ZRANB3: variants seen among roughly 807,000 people sequenced by gnomAD.
ZRANB3 encodes the protein DNA annealing helicase and endonuclease ZRANB3.
A neutral mutation model predicts 133.8 loss-of-function variants in ZRANB3; 125 were observed. That is an observed-to-expected ratio of 0.93 (90% confidence interval 0.81 to 1.08). The LOEUF (loss-of-function observed/expected upper bound fraction) is 1.08, where lower values mean the gene tolerates loss of function less well. Ranked by LOEUF, ZRANB3 falls within the 50% of genes least tolerant of loss-of-function variation. The probability of loss-of-function intolerance (pLI) is 0.00; values close to 1 mark genes in which losing one functional copy is unlikely to be tolerated. For synonymous variants in ZRANB3, 387 were observed against 432.7 expected (o/e 0.89, Z 1.31); for missense variants, 1,229 against 1,275.5 (o/e 0.96, Z 0.56).
intron 2 of ZRANB3, among the ~76,000 whole-genome samples, chr2:135,502,313 C>T (rs1692985714): frequency 6.6e-6 from 1 of 152,102 alleles, no homozygotes. Context: ...ATGAATTTTG[C>T]TTTATGAACA....
chr2:135,486,964 A>G (rs1203645408), intron 2 of ZRANB3, among the ~76,000 whole-genome samples: 1 of 152,212 alleles, frequency 6.6e-6, no homozygotes, highest in East Asian at 1.9e-4. Flanking sequence ...GAAGGTTTAA[A>G]ATTTAGTCTG....
intron 19 of ZRANB3, among the ~76,000 whole-genome samples, chr2:135,203,349 G>C (rs1693703489): frequency 6.6e-6 from 1 of 152,156 alleles, no homozygotes. Context: ...GCCAGGCACA[G>C]TGGCTCATGC....
chr2:135,411,755 G>C (rs1019727170), intron 2 of ZRANB3, among the ~76,000 whole-genome samples: 12 of 152,034 alleles, frequency 7.9e-5, no homozygotes, highest in Non-Finnish European at 1.2e-4. Flanking sequence ...ATGGCCACTG[G>C]GGACTCCAAA....
intron 2 of ZRANB3, among the ~76,000 whole-genome samples, chr2:135,409,284 C>A (rs1688196001): frequency 6.6e-6 from 1 of 152,130 alleles, no homozygotes; most frequent in Non-Finnish European, 1.5e-5. Context: ...AAACATCTCC[C>A]ACCAGGCCTT....
chr2:135,252,014 A>C (rs1679424978), intron 12 of ZRANB3, among the ~76,000 whole-genome samples: 1 of 152,238 alleles, frequency 6.6e-6, no homozygotes, highest in Non-Finnish European at 1.5e-5. Context: ...CAGCCTGGCG[A>C]CAGAGCAGGA....
intron 8 of ZRANB3, among the ~76,000 whole-genome samples, chr2:135,303,814 A>G (rs1682556823): frequency 6.6e-6 from 1 of 152,160 alleles, no homozygotes; most frequent in Admixed American, 6.5e-5. Context: ...AATTTGCTTT[A>G]CTTATTCTAA....
intron 15 of ZRANB3, among the ~76,000 whole-genome samples, chr2:135,223,935 G>A (rs1392542818): frequency 1.3e-5 from 2 of 152,122 alleles, no homozygotes; most frequent in African/African-American, 4.8e-5. Flanking sequence ...GTTCATATAG[G>A]CCAGGCACTG....
At chr2:135,465,919 A>G (rs1181147917) in intron 2 of ZRANB3, among the ~76,000 whole-genome samples, 1 of 152,242 alleles carries the variant, frequency 6.6e-6, no homozygotes, top group Non-Finnish European at 1.5e-5. Context: ...CATGAAAAAA[A>G]GCTCATCATA....
chr2:135,356,567 C>T (rs367791544), intron 3 of ZRANB3, among the ~76,000 whole-genome samples: 9 of 152,118 alleles, frequency 5.9e-5, no homozygotes, highest in Admixed American at 5.2e-4. Context: ...ATATTTTTGT[C>T]TTCTAGTTCT....
intron 2 of ZRANB3, among the ~76,000 whole-genome samples, chr2:135,412,061 T>A (rs1402002021): frequency 1.3e-5 from 2 of 152,318 alleles, no homozygotes; most frequent in East Asian, 3.9e-4. Flanking sequence ...CTCAAAGGTA[T>A]GTTTTGTGAA....
At chr2:135,433,295 G>A (rs1689395748) in intron 2 of ZRANB3, among the ~76,000 whole-genome samples, 1 of 152,094 alleles carries the variant, frequency 6.6e-6, no homozygotes, top group African/African-American at 2.4e-5. Flanking sequence ...GCTGTGGCAG[G>A]TGGATTGCTT....
chr2:135,517,585 TG>T, intron 1 of ZRANB3, among the ~76,000 whole-genome samples: 1 of 152,326 alleles, frequency 6.6e-6, no homozygotes, highest in East Asian at 1.9e-4. Context: ...TCTGTTTGCC[TG>T]GGTATCACCA....
intron 12 of ZRANB3, among the ~76,000 whole-genome samples, chr2:135,243,509 AT>A (rs1695645478): frequency 6.6e-6 from 1 of 152,254 alleles, no homozygotes; most frequent in Non-Finnish European, 1.5e-5. Flanking sequence ...TCTAAAAAAA[AT>A]AATAATTTAA....
At chr2:135,445,369 G>C (rs1031720672) in intron 2 of ZRANB3, among the ~76,000 whole-genome samples, 4 of 151,370 alleles carry the variant, frequency 2.6e-5, no homozygotes, top group African/African-American at 9.7e-5. Flanking sequence ...GCTTGAACTC[G>C]GGAGGTGGAG....
chr2:135,272,414 CTTT>C (rs112209442), intron 9 of ZRANB3, among the ~76,000 whole-genome samples: 9 of 107,734 alleles, frequency 8.4e-5, no homozygotes, highest in South Asian at 7.2e-4. Flanking sequence ...GAAAATAGAG[CTTT>C]TTTTTTTTTT....
chr2:135,490,494 A>T (rs1692323249), intron 2 of ZRANB3, among the ~76,000 whole-genome samples: 1 of 152,154 alleles, frequency 6.6e-6, no homozygotes, highest in Non-Finnish European at 1.5e-5. Context: ...ATCAAAAAAA[A>T]TGGGAATAAG....
chr2:135,309,182 C>T lies in ZRANB3; in HGVS notation c.966+4307G>A, dbSNP rs183756794. 8.6e-5 allele frequency among the ~76,000 whole-genome samples: 13 copies of T among 151,870 alleles called. No individual in the cohort carries two copies. The East Asian group carries it at 1.6e-3, about 18-fold the overall frequency. On this transcript the variant is annotated intron_variant, in intron 8 of 20. Coordinates refer to ENST00000264159, the MANE Select transcript of ZRANB3 (RefSeq NM_032143.4). ...TTTTTTAGTAGAGACGGGGTTTCAC[C>T]GTGTTAGCCAGGATGGTCTTGATCT...
intron 12 of ZRANB3, among the ~76,000 whole-genome samples, chr2:135,260,381 A>G (rs1679898079): frequency 6.6e-6 from 1 of 152,154 alleles, no homozygotes; most frequent in Non-Finnish European, 1.5e-5. Flanking sequence ...GTGCAAAAGT[A>G]TCTTTCCTTG....
chr2:135,302,751 C>G lies in ZRANB3; in HGVS notation c.966+10738G>C, dbSNP rs928063562. ...ATGCTGGCCAGGCTGGTCTCGAACT[C>G]CTGACCTCGTGATCTGCCCACCTTG... On this transcript the variant is annotated intron_variant, in intron 8 of 20. Coordinates refer to ENST00000264159, the MANE Select transcript of ZRANB3 (RefSeq NM_032143.4). Among the ~76,000 whole-genome samples the G allele has an allele frequency of 3.3e-5, 5 of 152,132 alleles. No individual in the cohort carries two copies. In the East Asian group the frequency reaches 9.6e-4, roughly 29 times the overall value.
Sources: gnomAD v4.1 joint callset for allele counts (sites outside exome capture counted in the v4.1 genomes callset) on GRCh38, gnomAD v4.1.1 for gene constraint, MANE v1.5 for transcripts, NCBI Gene and HGNC (gene_info 2026-07-23, HGNC 2026-07-21) for gene names.